Variants in ZFPM1 observed in about 807,000 individuals in gnomAD.
The protein encoded by ZFPM1 is zinc finger protein ZFPM1.
A neutral mutation model predicts 46.3 loss-of-function variants in ZFPM1; 28 were observed. The ratio of observed to expected loss-of-function variants is 0.60; its 90% CI spans 0.45 to 0.83. The LOEUF is 0.83. Among genes scored for constraint, ZFPM1 ranks in the 40% least tolerant of loss-of-function variants. The pLI, the probability that ZFPM1 is intolerant of heterozygous loss-of-function variation, is 0.00. For synonymous variants in ZFPM1, 957 were observed against 675.9 expected, an observed-to-expected ratio of 1.42 and a Z score of -6.45; for missense variants, 1,878 against 1,432.4, an observed-to-expected ratio of 1.31 and a Z score of -5.02.
chr16:88,534,049 C>T lies in ZFPM1; in HGVS notation c.2091C>T (p.Thr697=). Reference sequence around the variant, plus strand: ...ACATCCGCTTCAGCCGCCACGAGACCTACACCGTGCACAAGCGGTACTACT... The same window carrying T: ...ACATCCGCTTCAGCCGCCACGAGACTTACACCGTGCACAAGCGGTACTACT... The part of the protein sequence containing the change: ...ACNIRFSRHE[T]YTVHKRYYCA... The change falls in exon 10 of 10, where the codon ACC becomes ACT. Residue 697 remains threonine, a synonymous_variant. Coordinates refer to ENST00000319555, the MANE Select transcript of ZFPM1 (RefSeq NM_153813.3). 4 of 1,336,516 alleles carry T rather than the reference C, an allele frequency of 3.0e-6. No individual in the cohort carries two copies. Among genetic ancestry groups the T allele is most frequent in the Non-Finnish European group, 3.9e-6 (4 of 1,026,020 alleles). The allele number at this position is 1,336,516 out of a possible 1,614,324, so 82.8% of individuals were successfully genotyped here.
intron 2 of ZFPM1, among the ~76,000 whole-genome samples, chr16:88,487,219 C>A (rs1014206310): frequency 6.6e-6 from 1 of 152,172 alleles, no homozygotes; most frequent in Non-Finnish European, 1.5e-5. Flanking sequence ...AGCATGCTCA[C>A]CCCCATTTTC....
intron 3 of ZFPM1, among the ~76,000 whole-genome samples, chr16:88,508,497 T>C (rs1445343589): frequency 1.3e-5 from 2 of 152,150 alleles, no homozygotes; most frequent in African/African-American, 4.8e-5. Flanking sequence ...ACCACAGGCC[T>C]TGGGCTCCAC....
At chr16:88,484,900 G>C (rs1770771270) in intron 1 of ZFPM1, among the ~76,000 whole-genome samples, 1 of 152,204 alleles carries the variant, frequency 6.6e-6, no homozygotes, top group Non-Finnish European at 1.5e-5. Context: ...CTTGTCACCT[G>C]TCAGGTGGAC....
chr16:88,498,676 G>A (rs1226309766), intron 3 of ZFPM1, among the ~76,000 whole-genome samples: 1 of 152,236 alleles, frequency 6.6e-6, no homozygotes, highest in Non-Finnish European at 1.5e-5. Flanking sequence ...CCAGGCCGAG[G>A]GCGCAGTCCC....
At chr16:88,488,938 C>T (rs1404836194) in intron 2 of ZFPM1, 93 bp from the exon 3 acceptor site, 30 of 1,509,682 alleles carry the variant, frequency 2.0e-5, no homozygotes, top group South Asian at 3.9e-5. Context: ...CCCAACCCGG[C>T]GCCCAGCGCC....
rs75419632 is a variant in ZFPM1 at position 88,471,986 on chromosome 16, C to G, written c.41-13953C>G. On this transcript the variant is annotated intron_variant, in intron 1 of 9. Transcript: ENST00000319555. This position sits in a 1 kb window ranked among gnomAD's most constrained non-coding sequence, Gnocchi z 4.1. ...GGAGTGGAGCCAGAAGCCTGGGCCT[C>G]CCCGGTAGGAGCCCGGCAGGGCCAA... Among the ~76,000 whole-genome samples the G allele has an allele frequency of 0.027, 4,109 of 152,348 alleles. 183 individuals carry two copies. Among genetic ancestry groups the G allele is most frequent in the African/African-American group, 0.094 (3,903 of 41,572 alleles).
intron 3 of ZFPM1, among the ~76,000 whole-genome samples, chr16:88,512,725 C>A (rs540877864): frequency 6.6e-5 from 10 of 152,310 alleles, no homozygotes; most frequent in African/African-American, 1.9e-4. Context: ...CCGCCGGAGG[C>A]CAGACAGAGG....
chr16:88,494,959 C>A (rs1306181474), intron 3 of ZFPM1, among the ~76,000 whole-genome samples: 1 of 152,200 alleles, frequency 6.6e-6, no homozygotes, highest in Non-Finnish European at 1.5e-5. Context: ...ACCTTGTTTG[C>A]CGGAGGGGCG....
intron 1 of ZFPM1, among the ~76,000 whole-genome samples, chr16:88,474,385 C>A (rs567730622): frequency 6.6e-6 from 1 of 152,266 alleles, no homozygotes; most frequent in African/African-American, 2.4e-5. Context: ...AGCAGCTGCC[C>A]GGCCAGGGTT....
At chr16:88,520,591 A>AT (rs1567550047) in intron 4 of ZFPM1, among the ~76,000 whole-genome samples, 37 of 66,498 alleles carry the variant, frequency 5.6e-4, no homozygotes, top group South Asian at 1.1e-3. Flanking sequence ...GATGGATGGG[A>AT]GGGTGAGTGG....
intron 1 of ZFPM1, among the ~76,000 whole-genome samples, chr16:88,478,084 C>G (rs1000588895): frequency 1.3e-5 from 2 of 152,106 alleles, no homozygotes; most frequent in African/African-American, 4.8e-5. Flanking sequence ...TGGAGCCGCT[C>G]AACCGCCATG....
intron 1 of ZFPM1, among the ~76,000 whole-genome samples, chr16:88,474,037 C>T (rs558208566): frequency 1.4e-3 from 220 of 152,376 alleles, no homozygotes; most frequent in Non-Finnish European, 2.7e-3. Context: ...CCTTCAGCGT[C>T]GATAAAGTTT....
rs1297787469 is a variant in ZFPM1, at chr16:88,535,076, C to T, written c.*97C>T. The T allele has an allele frequency of 2.5e-5, 33 of 1,322,190 alleles. No individual in the cohort carries two copies. Among genetic ancestry groups the T allele is most frequent in the Admixed American group, 1.2e-4 (4 of 32,388 alleles). 81.9% of individuals were successfully genotyped at this position (1,322,190 alleles called of 1,614,324 possible). On this transcript the variant is annotated 3_prime_UTR_variant, in exon 10 of 10. Coordinates refer to ENST00000319555, the MANE Select transcript of ZFPM1 (RefSeq NM_153813.3). ...CACGGACTGCCGCTCCTGGGAACCC[C>T]GCCACGCACAGGCCTCGGCGGAGGG... is the stretch of plus-strand genomic sequence containing the variant.
At chr16:88,455,145 GT>G (rs1907484771) in intron 1 of ZFPM1, among the ~76,000 whole-genome samples, 1 of 146,100 alleles carries the variant, frequency 6.8e-6, no homozygotes, top group South Asian at 2.1e-4. Context: ...GTGTGTGTGT[GT>G]GTGTGTGTGT....
chr16:88,533,414 C>T lies in ZFPM1; in HGVS notation c.1456C>T (p.Pro486Ser). 1 of 1,489,636 alleles carries T rather than the reference C, an allele frequency of 6.7e-7. No homozygotes were observed. Among genetic ancestry groups the T allele is most frequent in the African/African-American group, 1.5e-5 (1 of 68,138 alleles). The allele number at this position is 1,489,636 out of a possible 1,614,324, so 92.3% of individuals were successfully genotyped here. A position where few individuals can be genotyped will look rare whatever the true frequency, so the allele number is the denominator to read the frequency against. The change falls in exon 10 of 10, where the codon CCG (proline) becomes TCG (serine). Residue 486 changes from proline to serine, a missense_variant. Coordinates refer to ENST00000319555, the MANE Select transcript of ZFPM1 (RefSeq NM_153813.3). The stretch of plus-strand genomic sequence containing the variant: ...CCCCGGAGAGCCTGGGCCCCAGGCC[C>T]CGTCGCGGACGCCGTCGCCGCGCAG... ...LGPGEPGPQA[P>S]SRTPSPRSPA...
chr16:88,473,453 C>T (rs921559027), intron 1 of ZFPM1, among the ~76,000 whole-genome samples: 4 of 152,156 alleles, frequency 2.6e-5, no homozygotes, highest in South Asian at 2.1e-4. Context: ...GGCCTGTCCT[C>T]GAGGGCCGCA....
chr16:88,494,338 C>G (rs13335596), intron 3 of ZFPM1, among the ~76,000 whole-genome samples: 27,130 of 151,960 alleles, frequency 0.18, 2,777 homozygotes, highest in East Asian at 0.28. Context: ...GCTCACCCCC[C>G]AAACCCCGTT....
intron 3 of ZFPM1, among the ~76,000 whole-genome samples, chr16:88,493,003 G>GGAGCTGTCCCGGGGTATGGA (rs1266123040): frequency 6.7e-6 from 1 of 148,476 alleles, no homozygotes. Flanking sequence ...CAGGGTGTGG[G>GGAGCTGTCCCGGGGTATGGA]GAGCTGTCCC....
chr16:88,466,791 G>A (rs1368185180), intron 1 of ZFPM1, among the ~76,000 whole-genome samples: 2 of 152,150 alleles, frequency 1.3e-5, no homozygotes, highest in East Asian at 3.8e-4. Context: ...GTAAATGTCA[G>A]CTCCAGTGAC....
Sources: gnomAD v4.1 joint callset for allele counts (sites outside exome capture counted in the v4.1 genomes callset) on GRCh38, gnomAD v4.1.1 for gene constraint, Gnocchi (gnomAD v3.1) non-coding constraint, MANE v1.5 for transcripts, NCBI Gene and HGNC (gene_info 2026-07-23, HGNC 2026-07-21) for gene names.